The following STT3A variants were observed in gnomAD, a reference collection of about 807,000 sequenced individuals.
STT3A encodes STT3 oligosaccharyltransferase complex catalytic subunit A, also known as dolichyl-diphosphooligosaccharide--protein glycosyltransferase subunit STT3A.
STT3A carries 34 observed loss-of-function variants against 89.2 expected under a neutral mutation model. The ratio of observed to expected loss-of-function variants is 0.38; its 90% CI spans 0.29 to 0.51. The LOEUF (loss-of-function observed/expected upper bound fraction) is 0.51. STT3A is among the 20% of genes least tolerant of loss of function. STT3A has a pLI of 0.89. For missense variants in STT3A, 555 were observed against 889.5 expected, an observed-to-expected ratio of 0.62 and a Z score of 4.78; for synonymous variants, 282 against 310.3, an observed-to-expected ratio of 0.91 and a Z score of 0.96.
intron 3 of STT3A, among the ~76,000 whole-genome samples, chr11:125,597,332 C>T (rs1939526718): frequency 6.6e-6 from 1 of 151,730 alleles, no homozygotes; most frequent in African/African-American, 2.4e-5. Context: ...CACCTGTAAT[C>T]CCAGCACTTT....
chr11:125,611,566 G>A (rs1940016320), intron 11 of STT3A, 47 bp downstream of exon 11: 5 of 1,556,090 alleles, frequency 3.2e-6, no homozygotes, highest in Non-Finnish European at 4.4e-6. Context: ...TAACTCTGAG[G>A]TGCTTTTTTA....
chr11:125,593,281 A>G (rs1200508794), intron 1 of STT3A: 2 of 152,412 alleles, frequency 1.3e-5, no homozygotes, highest in African/African-American at 4.8e-5. Context: ...ACCCGCTGGA[A>G]CGACCGGAAG....
At chr11:125,597,309 G>A (rs1403462166) in intron 3 of STT3A, among the ~76,000 whole-genome samples, 190 bp downstream of exon 3, 1 of 151,624 alleles carries the variant, frequency 6.6e-6, no homozygotes, top group African/African-American at 2.4e-5. Context: ...TTGGAGTCCA[G>A]CACAGTGGCT....
chr11:125,606,561 C>T (rs1939845973), intron 8 of STT3A, 96 bp downstream of exon 8: 3 of 1,341,318 alleles, frequency 2.2e-6, no homozygotes, highest in Admixed American at 5.1e-5. Context: ...AAGAGTACGA[C>T]TTATTCACAG....
intron 11 of STT3A, among the ~76,000 whole-genome samples, chr11:125,611,863 ATTTTTTTTTTTTTTTTTTTT>A (rs59685125): frequency 3.5e-5 from 2 of 56,934 alleles, no homozygotes; most frequent in Admixed American, 2.8e-4. Flanking sequence ...AGGGATTTGA[ATTTTTTTTTTTTTTTTTTTT>A]TTTTTTTTTT....
chr11:125,619,771 A>G (rs2135950227), intron 16 of STT3A, among the ~76,000 whole-genome samples: 1 of 152,292 alleles, frequency 6.6e-6, no homozygotes, highest in Non-Finnish European at 1.5e-5. Flanking sequence ...TCGGCTCCCT[A>G]TGTCTGTCTT....
In STT3A at chr11:125,606,437, C is replaced by A; in HGVS notation, c.752C>A (p.Ser251Tyr). Residue 251 changes from serine (S) to tyrosine (Y), a missense_variant, in exon 8 of 18, where the codon TCT (serine) becomes TAT (tyrosine). Ser to Tyr is a moderately radical substitution (Grantham distance 144). Coordinates refer to ENST00000392708, the MANE Select transcript of STT3A (RefSeq NM_152713.5). The part of the protein sequence containing the change: ...CTVYCLGTIL[S>Y]MQISFVGFQP... ...GTTTACTGCCTGGGCACTATACTTTCTATGCAGATCTCCTTTGTGGGTTTC... is the reference window on the plus strand; with the variant it reads ...GTTTACTGCCTGGGCACTATACTTTATATGCAGATCTCCTTTGTGGGTTTC... 1 of 1,613,574 alleles carries A rather than the reference C, an allele frequency of 6.2e-7. No homozygotes were observed.
In STT3A at chr11:125,622,212, T is replaced by A. The variant is rs556243295; in HGVS notation, c.*1402T>A. 6.6e-6 allele frequency: 1 copy of A among 152,346 alleles called. No individual in the cohort carries two copies. Among genetic ancestry groups the A allele is most frequent in the South Asian group, 2.1e-4 (1 of 4,828 alleles). 9.4% of individuals were successfully genotyped at this position (152,346 alleles called of 1,614,324 possible). ...TGCATAACTTTTAGATTAGTCATAG[T>A]GGTGCTCCTAAGGGATATGCTGTTG... is the stretch of plus-strand genomic sequence containing the variant. On this transcript the variant is annotated 3_prime_UTR_variant, in exon 18 of 18. Coordinates refer to ENST00000392708, the MANE Select transcript of STT3A (RefSeq NM_152713.5).
At chr11:125,591,936 C>T (rs1477742159), upstream of STT3A, 3 of 157,716 alleles carry the variant, frequency 1.9e-5, no homozygotes, top group Non-Finnish European at 4.2e-5. Flanking sequence ...CAAACTTCGT[C>T]CCCTTCTCTG....
chr11:125,605,561 AGAACAGTATTCTTAAT>A (rs1169971080), intron 6 of STT3A, 52 bp from the exon 7 acceptor site: 1 of 1,177,616 alleles, frequency 8.5e-7, no homozygotes, highest in Admixed American at 1.9e-5. Context: ...AGTCTGTTCC[AGAACAGTATTCTTAAT>A]GACTATACTA....
intron 3 of STT3A, 83 bp downstream of exon 3, chr11:125,597,202 T>C (rs1939522934): frequency 7.1e-7 from 1 of 1,401,490 alleles, no homozygotes; most frequent in Non-Finnish European, 1.0e-6. Flanking sequence ...TTCAGTCAGC[T>C]CTCAGTGATA....
chr11:125,602,782 A>T, intron 4 of STT3A, 21 bp from the exon 5 acceptor site: 1 of 1,613,288 alleles, frequency 6.2e-7, no homozygotes, highest in Non-Finnish European at 8.5e-7. Context: ...AACCTAATGG[A>T]GTTTCTTCTT....
chr11:125,616,474 T>C (rs1366121378), intron 15 of STT3A, among the ~76,000 whole-genome samples: 2 of 152,226 alleles, frequency 1.3e-5, no homozygotes, highest in South Asian at 2.1e-4. Context: ...CCCACAGATA[T>C]GGAAGGCCAA....
intron 15 of STT3A, among the ~76,000 whole-genome samples, chr11:125,616,281 T>C (rs1308460829): frequency 6.6e-6 from 1 of 152,222 alleles, no homozygotes; most frequent in Non-Finnish European, 1.5e-5. Flanking sequence ...TCTTATATAC[T>C]TTAAATCATC....
chr11:125,595,107 A>G (rs190643218), intron 1 of STT3A: 1 of 152,074 alleles, frequency 6.6e-6, no homozygotes, highest in Non-Finnish European at 1.5e-5. Flanking sequence ...TTAGGGCTCG[A>G]AATTGTGTTG....
rs999318742 is a variant in STT3A at position 125,622,084 on chromosome 11, T to G, written c.*1274T>G. On this transcript the variant is annotated 3_prime_UTR_variant, in exon 18 of 18. Coordinates refer to ENST00000392708, the MANE Select transcript of STT3A (RefSeq NM_152713.5). ...CAGTGGTCCTTGAGGACATTTAATA[T>G]CAGGACAAAGAGCCTATGAATATAT... 4 of 152,216 alleles carry G rather than the reference T, an allele frequency of 2.6e-5. No homozygotes were observed. Among genetic ancestry groups the G allele is most frequent in the Non-Finnish European group, 5.9e-5 (4 of 68,040 alleles). The allele number at this position is 152,216 out of a possible 1,614,324, so 9.4% of individuals were successfully genotyped here.
intron 9 of STT3A, 26 bp downstream of exon 9, chr11:125,608,315 CTTTT>C (rs762384241): frequency 5.1e-6 from 8 of 1,557,576 alleles, no homozygotes; most frequent in Admixed American, 2.1e-5. Flanking sequence ...AGCTTTTTTC[CTTTT>C]TTCTTTTTTT....
intron 10 of STT3A, among the ~76,000 whole-genome samples, chr11:125,610,531 C>T (rs1255090765): frequency 6.7e-6 from 1 of 148,850 alleles, no homozygotes; most frequent in African/African-American, 2.5e-5. Context: ...TCAACCTGGG[C>T]AACACAGTGG....
chr11:125,592,518 G>A (rs1939331283), upstream of STT3A: 3 of 454,374 alleles, frequency 6.6e-6, no homozygotes, highest in South Asian at 1.6e-5. Context: ...CACATGACGG[G>A]AGTCAGTGGG....
Sources: allele counts gnomAD v4.1 joint callset (sites outside exome capture counted in the v4.1 genomes callset), GRCh38; gene constraint gnomAD v4.1.1; transcripts MANE v1.5; gene names NCBI Gene and HGNC (gene_info 2026-07-23, HGNC 2026-07-21).